Variants in CA10 observed in about 807,000 individuals in gnomAD.
CA10 encodes carbonic anhydrase 10 (inactive), also known as carbonic anhydrase-related protein 10.
Under a neutral mutation model 44.2 loss-of-function variants are expected in CA10, and 14 were observed. The observed-to-expected ratio is 0.32, with a 90% confidence interval of 0.21 to 0.50. CA10 has a LOEUF of 0.50. CA10 is among the 20% of genes least tolerant of loss of function. The pLI, the probability that CA10 is intolerant of heterozygous loss-of-function variation, is 0.99. For synonymous variants in CA10, 159 were observed against 141.6 expected, an observed-to-expected ratio of 1.12 and a Z score of -0.87; for missense variants, 350 against 409.7, an observed-to-expected ratio of 0.85 and a Z score of 1.26.
At chr17:52,129,337 TC>T (rs1234374614) in intron 1 of CA10, among the ~76,000 whole-genome samples, 1 of 152,212 alleles carries the variant, frequency 6.6e-6, no homozygotes, top group Non-Finnish European at 1.5e-5. Flanking sequence ...ATCATCATTG[TC>T]CTCTTCACCA....
At chr17:52,047,592 T>G (rs1986946730) in intron 2 of CA10, among the ~76,000 whole-genome samples, 1 of 151,972 alleles carries the variant, frequency 6.6e-6, no homozygotes, top group Non-Finnish European at 1.5e-5. Flanking sequence ...AAGTAATTCA[T>G]GCAAATTATT....
intron 2 of CA10, among the ~76,000 whole-genome samples, chr17:52,054,484 C>T (rs546115079): frequency 1.3e-5 from 2 of 152,110 alleles, no homozygotes; most frequent in Non-Finnish European, 1.5e-5. Context: ...TGTGATCTCA[C>T]CCTGCCTCCA....
intron 4 of CA10, among the ~76,000 whole-genome samples, chr17:51,664,206 C>T (rs995627639): frequency 1.1e-4 from 17 of 151,742 alleles, no homozygotes; most frequent in East Asian, 3.9e-4. Context: ...TCATCTCCTA[C>T]GCAAAAAAAA....
chr17:51,862,906 A>G lies in CA10; in HGVS notation c.279+68084T>C, dbSNP rs1979378112. Among the ~76,000 whole-genome samples, 5 of 152,240 alleles carry G rather than the reference A, an allele frequency of 3.3e-5. No homozygotes were observed. The South Asian group carries it at 1.0e-3, about 32-fold the overall frequency. On this transcript the variant is annotated intron_variant, in intron 3 of 8. Transcript: ENST00000451037. ...CTCACAACCTCATCTAACCCTAATT[A>G]TCTACCAAAAGCCCCATATCCAAAT...
rs1450286983 is a variant in CA10, at chr17:51,697,797, T to C, written c.466-44061A>G. Among the ~76,000 whole-genome samples, 8 of 152,328 alleles carry C rather than the reference T, an allele frequency of 5.3e-5. No individual in the cohort carries two copies. In the East Asian group the frequency reaches 1.4e-3, roughly 26 times the overall value. On this transcript the variant is annotated intron_variant, in intron 4 of 8. Transcript: ENST00000451037. The stretch of plus-strand genomic sequence containing the variant: ...ATCACTCAGTACAGTGCCTGGCATA[T>C]TGTACACATCTAAGGAATGTAGCTA...
At chr17:51,972,063 G>A (rs1042331695) in intron 2 of CA10, among the ~76,000 whole-genome samples, 1 of 151,684 alleles carries the variant, frequency 6.6e-6, no homozygotes, top group African/African-American at 2.4e-5. Flanking sequence ...AAAAGATATG[G>A]GCATATGTAA....
chr17:52,151,419 A>G (rs1242926100), intron 1 of CA10, among the ~76,000 whole-genome samples: 1 of 152,140 alleles, frequency 6.6e-6, no homozygotes, highest in African/African-American at 2.4e-5. Context: ...AATGTTTTCT[A>G]TAAACATTTT....
intron 3 of CA10, among the ~76,000 whole-genome samples, chr17:51,764,146 C>T (rs983509226): frequency 6.6e-6 from 1 of 152,144 alleles, no homozygotes; most frequent in Non-Finnish European, 1.5e-5. Flanking sequence ...GGATGATACA[C>T]AGTATCTCTA....
intron 4 of CA10, among the ~76,000 whole-genome samples, chr17:51,663,387 G>A (rs926866967): frequency 6.6e-6 from 1 of 152,140 alleles, no homozygotes; most frequent in Non-Finnish European, 1.5e-5. Flanking sequence ...CCAAGAATGA[G>A]AGATGAGGTC....
chr17:51,945,370 C>T (rs1427580429), intron 2 of CA10, among the ~76,000 whole-genome samples: 1 of 152,070 alleles, frequency 6.6e-6, no homozygotes, highest in Non-Finnish European at 1.5e-5. Flanking sequence ...GCTGGGAGAC[C>T]ACAGGCTTTC....
chr17:51,945,781 C>A (rs1266043551), intron 2 of CA10, among the ~76,000 whole-genome samples: 1 of 152,144 alleles, frequency 6.6e-6, no homozygotes, highest in Non-Finnish European at 1.5e-5. Flanking sequence ...ATTTCCATTT[C>A]TCACTCCCTT....
chr17:51,932,649 T>C (rs1318221512), intron 2 of CA10, among the ~76,000 whole-genome samples: 1 of 152,118 alleles, frequency 6.6e-6, no homozygotes, highest in East Asian at 1.9e-4. Context: ...TAGTCATTAA[T>C]GACTTTCAAA....
At chr17:51,643,140 G>A (rs1159428928) in intron 6 of CA10, among the ~76,000 whole-genome samples, 2 of 152,046 alleles carry the variant, frequency 1.3e-5, no homozygotes, top group African/African-American at 4.8e-5. Context: ...CACTTCATTG[G>A]TCACTAGTTT....
intron 6 of CA10, among the ~76,000 whole-genome samples, chr17:51,641,267 AAGTCTG>A (rs1171293570): frequency 1.3e-5 from 2 of 152,020 alleles, no homozygotes; most frequent in Non-Finnish European, 2.9e-5. Context: ...GTCTTAATTC[AAGTCTG>A]AGTTCTAGTG....
rs958637686 is a variant in CA10 at position 51,830,210 on chromosome 17, A to G, written c.280-82392T>C. 4.6e-5 allele frequency among the ~76,000 whole-genome samples: 7 copies of G among 151,218 alleles called. No individual in the cohort carries two copies. In the South Asian group the frequency reaches 6.3e-4, roughly 14 times the overall value. ...GACTCCATCTCAAAAAAAAAAAAAAAAAAAAAGAAAAAGAAAAAAAAGAAA... is the reference window on the plus strand; with the variant it reads ...GACTCCATCTCAAAAAAAAAAAAAAGAAAAAAGAAAAAGAAAAAAAAGAAA... On this transcript the variant is annotated intron_variant, in intron 3 of 8. Coordinates refer to ENST00000451037, the MANE Select transcript of CA10 (RefSeq NM_020178.5).
In CA10 at chr17:51,631,177, A is replaced by C; in HGVS notation, c.*407T>G. 5.3e-6 allele frequency: 1 copy of C among 188,580 alleles called. No individual in the cohort carries two copies. The highest frequency in any genetic ancestry group is 1.1e-4 in the South Asian group (1 of 8,808). The allele number at this position is 188,580 out of a possible 1,614,324, so 11.7% of individuals were successfully genotyped here. On this transcript the variant is annotated 3_prime_UTR_variant, in exon 9 of 9. Transcript: ENST00000451037. ...TTTTGGAAGAATTTTGTATGTACAA[A>C]GGCTGAAAAGTCTCATTGGGTAGAT...
chr17:52,074,744 T>C (rs924420586), intron 1 of CA10, among the ~76,000 whole-genome samples: 3 of 152,120 alleles, frequency 2.0e-5, no homozygotes, highest in Non-Finnish European at 2.9e-5. Flanking sequence ...TAATATATAT[T>C]TCAATGTGAA....
At chr17:52,159,040 T>G (rs1409144183), upstream of CA10, among the ~76,000 whole-genome samples, 1 of 152,212 alleles carries the variant, frequency 6.6e-6, no homozygotes, top group South Asian at 2.1e-4. Flanking sequence ...CCTGGCTGCC[T>G]CTGTTACCCT....
chr17:51,754,295 T>C (rs1225129764), intron 3 of CA10, among the ~76,000 whole-genome samples: 5 of 53,876 alleles, frequency 9.3e-5, no homozygotes, highest in African/African-American at 2.0e-4. Context: ...AGTGTGTGTG[T>C]GTGTGTGTGT....
Sources: gnomAD v4.1 joint callset for allele counts (sites outside exome capture counted in the v4.1 genomes callset) on GRCh38, gnomAD v4.1.1 for gene constraint, MANE v1.5 for transcripts, NCBI Gene and HGNC (gene_info 2026-07-23, HGNC 2026-07-21) for gene names.